The following COL27A1 variants were observed in gnomAD, a reference collection of about 807,000 sequenced individuals.
COL27A1 encodes collagen alpha-1(XXVII) chain.
A neutral mutation model predicts 251.3 loss-of-function variants in COL27A1; 106 were observed. The observed-to-expected ratio is 0.42, with a 90% CI of 0.36 to 0.50. The LOEUF (loss-of-function observed/expected upper bound fraction) is 0.50. Ranked by LOEUF, COL27A1 falls within the 20% of genes least tolerant of loss-of-function variation. The pLI, the probability that COL27A1 is intolerant of heterozygous loss-of-function variation, is 0.00. For missense variants in COL27A1, 2,325 were observed against 2,522.8 expected, an observed-to-expected ratio of 0.92 and a Z score of 1.68; for synonymous variants, 1,000 against 986.3, an observed-to-expected ratio of 1.01 and a Z score of -0.26.
chr9:114,205,861 T>C (rs758390181), intron 9 of COL27A1, 49 bp downstream of exon 9: 7 of 1,533,674 alleles, frequency 4.6e-6, no homozygotes, highest in South Asian at 1.2e-5. Context: ...GATGTGAAGA[T>C]GGCCACAGGT....
intron 49 of COL27A1, among the ~76,000 whole-genome samples, chr9:114,299,509 T>C (rs1194856182): frequency 6.6e-6 from 1 of 152,228 alleles, no homozygotes. Flanking sequence ...TCGTTCACAC[T>C]GGGTTTGAAT....
chr9:114,238,080 C>T (rs1286499846), intron 19 of COL27A1, among the ~76,000 whole-genome samples: 1 of 152,200 alleles, frequency 6.6e-6, no homozygotes, highest in East Asian at 1.9e-4. Flanking sequence ...ACTTTCCTAG[C>T]CACCCACAGC....
At chr9:114,265,634 AG>A (rs1449027557) in intron 32 of COL27A1, among the ~76,000 whole-genome samples, 159 bp downstream of exon 32, 1 of 152,176 alleles carries the variant, frequency 6.6e-6, no homozygotes, top group Non-Finnish European at 1.5e-5. Flanking sequence ...CTAAGCCAGG[AG>A]CTCTGGGTTT....
intron 19 of COL27A1, among the ~76,000 whole-genome samples, chr9:114,239,709 A>G (rs1832624341): frequency 6.6e-6 from 1 of 152,208 alleles, no homozygotes; most frequent in Non-Finnish European, 1.5e-5. Flanking sequence ...GGCAGAGTCC[A>G]ACACATGTGG....
upstream of COL27A1, among the ~76,000 whole-genome samples, chr9:114,154,624 T>G (rs1469599): frequency 0.081 from 12,295 of 152,212 alleles, 577 homozygotes; most frequent in Middle Eastern, 0.15. This position sits in a 1 kb window ranked among gnomAD's most constrained non-coding sequence, Gnocchi z 5.8. Flanking sequence ...AGCATCCGTG[T>G]GCATGCTTCT....
chr9:114,223,798 T>G (rs1564489491), intron 14 of COL27A1, among the ~76,000 whole-genome samples: 4 of 152,186 alleles, frequency 2.6e-5, no homozygotes, highest in Admixed American at 2.6e-4. Context: ...GGTACCTAAC[T>G]TGGAGGATTG....
At chr9:114,307,831 C>T (rs1829165916) in intron 59 of COL27A1, 53 bp downstream of exon 59, 3 of 1,356,324 alleles carry the variant, frequency 2.2e-6, no homozygotes, top group Non-Finnish European at 3.1e-6. Flanking sequence ...TATCCCCAGC[C>T]TGCCCTGGGC....
At chr9:114,241,198 G>C (rs373058352) in intron 21 of COL27A1, among the ~76,000 whole-genome samples, 1 of 152,374 alleles carries the variant, frequency 6.6e-6, no homozygotes, top group East Asian at 1.9e-4. Context: ...CCCTGTGCAC[G>C]AGGCCATTCT....
chr9:114,233,374 T>C (rs528208703), intron 16 of COL27A1, among the ~76,000 whole-genome samples: 50 of 152,276 alleles, frequency 3.3e-4, no homozygotes, highest in African/African-American at 1.2e-3. Context: ...CAGTCCTTTC[T>C]CTACCTGTTT....
intron 49 of COL27A1, among the ~76,000 whole-genome samples, chr9:114,298,540 G>A (rs1828402035): frequency 6.6e-6 from 1 of 152,018 alleles, no homozygotes; most frequent in South Asian, 2.1e-4. Context: ...CAATTGAATG[G>A]GAAAAGAATT....
intron 7 of COL27A1, among the ~76,000 whole-genome samples, chr9:114,197,483 C>A (rs989060523): frequency 6.6e-6 from 1 of 152,180 alleles, no homozygotes; most frequent in Non-Finnish European, 1.5e-5. Flanking sequence ...TGGGCTCTAG[C>A]GCTTTCTGAT....
chr9:114,174,085 C>T (rs1461886057), intron 3 of COL27A1, among the ~76,000 whole-genome samples: 2 of 151,948 alleles, frequency 1.3e-5, no homozygotes, highest in Non-Finnish European at 2.9e-5. Flanking sequence ...TCAAGCAATT[C>T]TCCTGCCTCA....
rs1366888637 is a variant in COL27A1 at position 114,264,358 on chromosome 9, C to T, written c.3199C>T (p.Pro1067Ser). ...GMRGAKGRRG[P>S]RGPDGPAGEQ... The stretch of plus-strand genomic sequence containing the variant: ...TAGTCCCTTTTTCCTATTCCAGGGC[C>T]CCCGAGGACCGGACGGACCAGCTGG... Residue 1067 changes from proline (P) to serine (S), a missense_variant, in exon 29 of 61, where the codon CCC (proline) becomes TCC (serine). Around this residue, in one of 4 missense-constraint regions of COL27A1, gnomAD observed 662 missense variants for 795.3 expected, o/e 0.83. Coordinates refer to ENST00000356083, the MANE Select transcript of COL27A1 (RefSeq NM_032888.4). 3 of 1,595,074 alleles carry T rather than the reference C, an allele frequency of 1.9e-6. No homozygotes were observed. In the African/African-American group the frequency reaches 4.0e-5, roughly 21 times the overall value.
At chr9:114,205,057 A>T (rs376161695) in intron 7 of COL27A1, 45 bp from the exon 8 acceptor site, 1 of 1,597,394 alleles carries the variant, frequency 6.3e-7, no homozygotes, top group African/African-American at 1.3e-5. Flanking sequence ...CTCCAGGACC[A>T]GATGTGTCCT....
intron 19 of COL27A1, among the ~76,000 whole-genome samples, chr9:114,238,101 C>T (rs1311112432): frequency 2.0e-5 from 3 of 152,166 alleles, no homozygotes; most frequent in Non-Finnish European, 2.9e-5. Context: ...CACTCTGGAA[C>T]GGTTCAGGGC....
At chr9:114,296,768 C>G (rs1016949062) in intron 49 of COL27A1, among the ~76,000 whole-genome samples, 9 of 152,008 alleles carry the variant, frequency 5.9e-5, no homozygotes, top group African/African-American at 2.2e-4. Context: ...TGCTTAGCAG[C>G]TTTATTTATA....
Position 114,283,722 on chromosome 9 carries a change from G to C in COL27A1, c.3893G>C (p.Arg1298Pro). The C allele has an allele frequency of 3.1e-6, 5 of 1,614,032 alleles. No homozygotes were observed. The highest frequency in any genetic ancestry group is 3.4e-6 in the Non-Finnish European group (4 of 1,179,948). The change falls in exon 40 of 61, where the codon CGC (arginine) becomes CCC (proline). Residue 1298 changes from arginine (R) to proline (P), a missense_variant. Around this residue, in one of 4 missense-constraint regions of COL27A1, gnomAD observed 662 missense variants for 795.3 expected, o/e 0.83. Coordinates refer to ENST00000356083, the MANE Select transcript of COL27A1 (RefSeq NM_032888.4). ...GSLGPTGAPG[R>P]MGAQGEPGLA... ...CTCCTCTTGTAGGGTGCTCCGGGAC[G>C]CATGGGGGCCCAAGGAGAACCGGGA...
Position 114,252,676 on chromosome 9 carries a change from TC to T in COL27A1, c.3087+31del, listed in dbSNP as rs778734652. 3 of 1,605,804 alleles carry T rather than the reference TC, an allele frequency of 1.9e-6. No homozygotes were observed. In the South Asian group the frequency reaches 3.3e-5, roughly 18 times the overall value. The stretch of plus-strand genomic sequence containing the variant: ...GGAGTAAGTCTGCATCCTCTTGCCC[TC>T]TCCTGTTGCAGCCTTGAGTGACAGC... On this transcript the variant is annotated intron_variant, in intron 26 of 60. Coordinates refer to ENST00000356083, the MANE Select transcript of COL27A1 (RefSeq NM_032888.4).
chr9:114,310,099 A>G (rs1031111790), intron 60 of COL27A1, among the ~76,000 whole-genome samples: 1 of 152,172 alleles, frequency 6.6e-6, no homozygotes, highest in Non-Finnish European at 1.5e-5. Context: ...AGAATGGTAC[A>G]ACGGAATTTG....
Sources: allele counts gnomAD v4.1 joint callset (sites outside exome capture counted in the v4.1 genomes callset), GRCh38; gene constraint gnomAD v4.1.1; regional missense constraint gnomAD v4.1.1; non-coding constraint Gnocchi (gnomAD v3.1); transcripts MANE v1.5; gene names NCBI Gene and HGNC (gene_info 2026-07-23, HGNC 2026-07-21).